The following ABCA13 variants were observed in gnomAD, a reference collection of about 807,000 sequenced individuals.
ABCA13 encodes the protein ATP binding cassette subfamily A member 13.
A neutral mutation model predicts 478.7 loss-of-function variants in ABCA13; 476 were observed. The ratio of observed to expected loss-of-function variants is 0.99; its 90% CI spans 0.92 to 1.07. The LOEUF (loss-of-function observed/expected upper bound fraction) is 1.07. ABCA13 is among the 50% of genes least tolerant of loss of function. The pLI is 0.00. For missense variants in ABCA13, 6,060 were observed against 5,910.6 expected, an observed-to-expected ratio of 1.03 and a Z score of -0.83; for synonymous variants, 2,252 against 2,158.9, an observed-to-expected ratio of 1.04 and a Z score of -1.20.
rs1161663362 is a variant in ABCA13 at position 48,314,507 on chromosome 7, G to A, written c.9859+98G>A. ...AAGTATTCTGTCTGTGTATAAGGTT[G>A]CTATATACTGGCATAGAATCTTCTG... On this transcript the variant is annotated intron_variant, in intron 26 of 61. Transcript: ENST00000435803. 1.3e-5 allele frequency: 15 copies of A among 1,125,224 alleles called. No individual in the cohort carries two copies. The East Asian group carries it at 3.5e-4, about 26-fold the overall frequency. 69.7% of individuals were successfully genotyped at this position (1,125,224 alleles called of 1,614,324 possible).
chr7:48,255,428 C>A (rs1159869090), intron 15 of ABCA13, among the ~76,000 whole-genome samples: 1 of 151,984 alleles, frequency 6.6e-6, no homozygotes, highest in African/African-American at 2.4e-5. Flanking sequence ...AACATAGTAT[C>A]CAATAGTTAG....
Position 48,403,846 on chromosome 7 carries a change from A to G in ABCA13, c.12037A>G (p.Ser4013Gly), listed in dbSNP as rs1294780883. 1 of 1,613,632 alleles carries G rather than the reference A, an allele frequency of 6.2e-7. No individual in the cohort carries two copies. The highest frequency in any genetic ancestry group is 8.5e-7 in the Non-Finnish European group (1 of 1,179,668). Residue 4013 changes from serine to glycine, a missense_variant, in exon 39 of 62, where the codon AGC (serine) becomes GGC (glycine). Transcript: ENST00000435803. ...TGGGGTGGACCCTTGCTCCCGGCATAGCCTGTGGGACATTCTGCTCAAGTA... is the reference window on the plus strand; with the variant it reads ...TGGGGTGGACCCTTGCTCCCGGCATGGCCTGTGGGACATTCTGCTCAAGTA... ...TSGVDPCSRHSLWDILLKYRE... is the reference protein window; with the variant it reads ...TSGVDPCSRHGLWDILLKYRE...
At chr7:48,464,813 T>A (rs1468139213) in intron 43 of ABCA13, among the ~76,000 whole-genome samples, 4 of 152,162 alleles carry the variant, frequency 2.6e-5, no homozygotes, top group African/African-American at 9.7e-5. Context: ...AAGGATTGCT[T>A]CATTCCAGTA....
chr7:48,224,170 C>T (rs1168423960), intron 5 of ABCA13, among the ~76,000 whole-genome samples: 1 of 152,164 alleles, frequency 6.6e-6, no homozygotes, highest in African/African-American at 2.4e-5. Flanking sequence ...AGAGCTCAGA[C>T]ATCTGGTCAC....
At chr7:48,270,714 A>G (rs1795484110) in intron 16 of ABCA13, among the ~76,000 whole-genome samples, 1 of 152,202 alleles carries the variant, frequency 6.6e-6, no homozygotes, top group African/African-American at 2.4e-5. Flanking sequence ...GGAAGTAAAC[A>G]GCATTCTTGC....
intron 55 of ABCA13, among the ~76,000 whole-genome samples, chr7:48,543,736 A>G (rs1784565351): frequency 6.6e-6 from 1 of 151,944 alleles, no homozygotes; most frequent in Admixed American, 6.6e-5. Flanking sequence ...TCATTAATAT[A>G]AAAATGCAAA....
intron 42 of ABCA13, among the ~76,000 whole-genome samples, chr7:48,451,459 A>G (rs1460765414): frequency 2.0e-5 from 3 of 152,196 alleles, no homozygotes; most frequent in Non-Finnish European, 4.4e-5. Context: ...GTATAAGAAG[A>G]TCCGTTTCCT....
At chr7:48,504,809 G>T (rs1030546581) in intron 48 of ABCA13, among the ~76,000 whole-genome samples, 1 of 152,180 alleles carries the variant, frequency 6.6e-6, no homozygotes, top group South Asian at 2.1e-4. Flanking sequence ...TCCTGATAAG[G>T]TTGGTTGACA....
At chr7:48,559,293 T>C (rs1786199098) in intron 55 of ABCA13, among the ~76,000 whole-genome samples, 1 of 152,080 alleles carries the variant, frequency 6.6e-6, no homozygotes, top group African/African-American at 2.4e-5. Context: ...CAGAGGAGCC[T>C]CTCTCAGTGG....
At chr7:48,439,577 T>C (rs999791182) in intron 42 of ABCA13, among the ~76,000 whole-genome samples, 1 of 152,108 alleles carries the variant, frequency 6.6e-6, no homozygotes, top group African/African-American at 2.4e-5. Context: ...TATTACTACA[T>C]AGAAATTAGA....
chr7:48,385,064 A>T (rs1391787233), intron 35 of ABCA13, among the ~76,000 whole-genome samples: 1 of 152,184 alleles, frequency 6.6e-6, no homozygotes, highest in Non-Finnish European at 1.5e-5. Context: ...ACCTGCGGAG[A>T]TACAACTCAG....
intron 55 of ABCA13, among the ~76,000 whole-genome samples, chr7:48,569,164 G>C (rs1434623048): frequency 6.6e-6 from 1 of 151,710 alleles, no homozygotes; most frequent in Admixed American, 6.6e-5. Flanking sequence ...TTTAGGTTTA[G>C]TTTGCTTTAG....
At chr7:48,380,524 G>A (rs1311143555) in intron 35 of ABCA13, among the ~76,000 whole-genome samples, 1 of 152,172 alleles carries the variant, frequency 6.6e-6, no homozygotes, top group East Asian at 1.9e-4. Context: ...GAAACTTTGA[G>A]TTTATATGTC....
chr7:48,268,886 CA>C, intron 15 of ABCA13, 93 bp from the exon 16 acceptor site: 1 of 331,986 alleles, frequency 3.0e-6, no homozygotes, highest in Non-Finnish European at 5.7e-6. Context: ...CATTTTCAAC[CA>C]TATTAGGTGA....
At chr7:48,451,382 A>T (rs1489354881) in intron 42 of ABCA13, among the ~76,000 whole-genome samples, 3 of 152,176 alleles carry the variant, frequency 2.0e-5, no homozygotes, top group African/African-American at 7.2e-5. Flanking sequence ...GAGATAAAGC[A>T]GATCAAAGGC....
chr7:48,615,941 C>A (rs1792527833), intron 59 of ABCA13, among the ~76,000 whole-genome samples: 1 of 151,958 alleles, frequency 6.6e-6, no homozygotes, highest in Non-Finnish European at 1.5e-5. Context: ...CATGTATTTT[C>A]TTTATTTCCT....
At chr7:48,240,785 G>C in intron 9 of ABCA13, 82 bp from the exon 10 acceptor site, 1 of 1,148,378 alleles carries the variant, frequency 8.7e-7, no homozygotes, top group Non-Finnish European at 1.2e-6. Flanking sequence ...ATCTAGAGTG[G>C]TATGTTAATA....
intron 38 of ABCA13, among the ~76,000 whole-genome samples, chr7:48,396,482 AG>A (rs1368037742): frequency 6.6e-6 from 1 of 152,110 alleles, no homozygotes; most frequent in African/African-American, 2.4e-5. Flanking sequence ...TGCAGCTCGG[AG>A]AGGGAAGCCA....
intron 59 of ABCA13, among the ~76,000 whole-genome samples, chr7:48,628,292 G>T (rs1793852828): frequency 6.6e-6 from 1 of 152,186 alleles, no homozygotes; most frequent in African/African-American, 2.4e-5. Flanking sequence ...AGCTACATGT[G>T]GCCGAAGAGT....
Sources: gnomAD v4.1 joint callset for allele counts (sites outside exome capture counted in the v4.1 genomes callset) on GRCh38, gnomAD v4.1.1 for gene constraint, MANE v1.5 for transcripts, NCBI Gene and HGNC (gene_info 2026-07-23, HGNC 2026-07-21) for gene names.